SCAF8: variants seen among roughly 807,000 people sequenced by gnomAD.
The protein encoded by SCAF8 is SR-related CTD associated factor 8.
A neutral mutation model predicts 140.5 loss-of-function variants in SCAF8; 23 were observed. That is an observed-to-expected ratio of 0.16 (90% CI 0.12 to 0.23). SCAF8 has a LOEUF of 0.23. Among genes scored for constraint, SCAF8 ranks in the 10% least tolerant of loss-of-function variants. SCAF8 has a pLI of 1.00. For synonymous variants in SCAF8, 575 were observed against 528.9 expected (o/e 1.09, Z -1.20); for missense variants, 1,397 against 1,555.7 (o/e 0.90, Z 1.72).
At chr6:154,801,771 T>C (rs1203866649) in intron 6 of SCAF8, among the ~76,000 whole-genome samples, 200 bp from the exon 7 acceptor site, 3 of 151,410 alleles carry the variant, frequency 2.0e-5, no homozygotes, top group Non-Finnish European at 4.4e-5. Flanking sequence ...TCGCTGACTT[T>C]CCAGAAGTAA....
At chr6:154,799,196 T>A (rs771428569) in intron 6 of SCAF8, among the ~76,000 whole-genome samples, 5 of 151,028 alleles carry the variant, frequency 3.3e-5, no homozygotes, top group Admixed American at 6.6e-5. Context: ...CAGGCTGTTG[T>A]CAAACTCCTG....
At chr6:154,767,653 C>CCTCA (rs1268688727) in intron 1 of SCAF8, among the ~76,000 whole-genome samples, 1 of 151,030 alleles carries the variant, frequency 6.6e-6, no homozygotes, top group Non-Finnish European at 1.5e-5. Flanking sequence ...GATCCTCACA[C>CCTCA]CTCAGCCTGT....
chr6:154,794,982 TG>T, intron 5 of SCAF8, 26 bp from the exon 6 acceptor site: 2 of 1,565,802 alleles, frequency 1.3e-6, no homozygotes, highest in Admixed American at 2.1e-5. Context: ...CATATTTATT[TG>T]GGGGGTGTGA....
intron 1 of SCAF8, among the ~76,000 whole-genome samples, chr6:154,739,627 G>A (rs117586079): frequency 0.029 from 4,397 of 152,200 alleles, 81 homozygotes; most frequent in Non-Finnish European, 0.048. Flanking sequence ...TTATATTTAG[G>A]ATACCTAAAT....
chr6:154,789,523 G>A (rs144872050), intron 4 of SCAF8, among the ~76,000 whole-genome samples: 160 of 150,966 alleles, frequency 1.1e-3, no homozygotes, highest in African/African-American at 3.7e-3. Context: ...ATAATTCTGT[G>A]CAGGCAAAAG....
At chr6:154,772,102 T>C (rs895587073) in intron 1 of SCAF8, among the ~76,000 whole-genome samples, 2 of 152,146 alleles carry the variant, frequency 1.3e-5, no homozygotes, top group Admixed American at 1.3e-4. Context: ...ATGAGTAGAA[T>C]TGAATGCTAT....
At chr6:154,762,975 T>C (rs1776450213) in intron 1 of SCAF8, among the ~76,000 whole-genome samples, 1 of 152,236 alleles carries the variant, frequency 6.6e-6, no homozygotes, top group African/African-American at 2.4e-5. Context: ...ATTCCTGCCC[T>C]GTAATACCTC....
rs748580606 is a variant in SCAF8 at position 154,832,141 on chromosome 6, A to G, written c.2562A>G (p.Ile854Met). Residue 854 changes from isoleucine (I) to methionine (M), a missense_variant, in exon 20 of 20, where the codon ATA (isoleucine) becomes ATG (methionine). Ile to Met is a conservative substitution (Grantham distance 10, BLOSUM62 1). Transcript: ENST00000367178. ...QPPNILNNSG[I>M]LGIQPPSVSN... ...CAAATATTCTAAATAACTCTGGAAT[A>G]TTGGGAATACAGCCACCCAGTGTGT... 1.2e-6 allele frequency: 2 copies of G among 1,613,996 alleles called. No homozygotes were observed. The highest frequency in any genetic ancestry group is 2.7e-5 in the African/African-American group (2 of 74,908).
Position 154,833,563 on chromosome 6 carries a change from ATTG to A in SCAF8, c.*171_*173del, listed in dbSNP as rs1406708689. The A allele has an allele frequency of 3.4e-6, 2 of 588,826 alleles. No individual in the cohort carries two copies. Among genetic ancestry groups the A allele is most frequent in the East Asian group, 3.0e-5 (1 of 33,280 alleles). 36.5% of individuals were successfully genotyped at this position (588,826 alleles called of 1,614,324 possible). A position where few individuals can be genotyped will look rare whatever the true frequency, so the allele number is the denominator to read the frequency against. ...AATTGTACAACTGACTTGTATAGAC[ATTG>A]TTCTTAATATGAACATGGTAGGTAA... On this transcript the variant is annotated 3_prime_UTR_variant, in exon 20 of 20. Transcript: ENST00000367178.
chr6:154,828,356 A>G (rs1778628151), intron 18 of SCAF8, among the ~76,000 whole-genome samples: 1 of 152,050 alleles, frequency 6.6e-6, no homozygotes, highest in Non-Finnish European at 1.5e-5. Flanking sequence ...CATTTCTCAG[A>G]GTCATGAGAT....
At chr6:154,793,273 C>A (rs1012516974) in intron 5 of SCAF8, among the ~76,000 whole-genome samples, 6 of 152,034 alleles carry the variant, frequency 3.9e-5, no homozygotes, top group African/African-American at 1.4e-4. Flanking sequence ...CTTATACTTG[C>A]ATTTGTATCA....
At chr6:154,799,705 C>G (rs1211189132) in intron 6 of SCAF8, among the ~76,000 whole-genome samples, 1 of 151,356 alleles carries the variant, frequency 6.6e-6, no homozygotes, top group African/African-American at 2.4e-5. Flanking sequence ...ACCCACTTCC[C>G]TCATATATTC....
At chr6:154,759,125 C>T (rs140956668) in intron 1 of SCAF8, among the ~76,000 whole-genome samples, 170 of 152,202 alleles carry the variant, frequency 1.1e-3, no homozygotes, top group Non-Finnish European at 1.8e-3. Context: ...TTTTTGCTTC[C>T]GGATTACTCA....
At chr6:154,777,429 C>T (rs984906369) in intron 2 of SCAF8, among the ~76,000 whole-genome samples, 33 of 152,142 alleles carry the variant, frequency 2.2e-4, no homozygotes, top group African/African-American at 7.2e-4. Context: ...TGTTCACTTC[C>T]GCTGATTCAT....
chr6:154,824,237 C>A lies in SCAF8; in HGVS notation c.1930C>A (p.Pro644Thr). 1 of 1,613,410 alleles carries A rather than the reference C, an allele frequency of 6.2e-7. No homozygotes were observed. Reference sequence around the variant, plus strand: ...CTTTTTTGTCTATCCACAAAAGATTCCAGTGGCGCCAGCCGTGCCTACAGT... The same window carrying A: ...CTTTTTTGTCTATCCACAAAAGATTACAGTGGCGCCAGCCGTGCCTACAGT... The part of the protein sequence containing the change: ...FPPPVAMLQI[P>T]VAPAVPTVSL... Residue 644 changes from proline to threonine, a missense_variant, in exon 17 of 20, where the codon CCA becomes ACA. Coordinates refer to ENST00000367178, the MANE Select transcript of SCAF8 (RefSeq NM_014892.5).
intron 1 of SCAF8, among the ~76,000 whole-genome samples, chr6:154,764,265 A>G (rs185758304): frequency 2.8e-5 from 4 of 141,602 alleles, no homozygotes; most frequent in African/African-American, 1.1e-4. Context: ...CTTGTTTAGT[A>G]TATTTTCTTT....
intron 6 of SCAF8, among the ~76,000 whole-genome samples, chr6:154,801,407 T>A (rs1777767986): frequency 6.6e-6 from 1 of 151,488 alleles, no homozygotes; most frequent in Admixed American, 6.6e-5. Context: ...TATATAGGGT[T>A]TTCTTATTTA....
intron 16 of SCAF8, 111 bp from the exon 17 acceptor site, chr6:154,824,123 T>A: frequency 9.1e-7 from 1 of 1,097,010 alleles, no homozygotes; most frequent in East Asian, 2.4e-5. Flanking sequence ...AAAACCCTTT[T>A]TAGTAGTATT....
intron 1 of SCAF8, among the ~76,000 whole-genome samples, chr6:154,755,439 A>T (rs1176413906): frequency 6.6e-6 from 1 of 152,000 alleles, no homozygotes; most frequent in Non-Finnish European, 1.5e-5. Context: ...TTTTTAGTAG[A>T]GATGGGGTTT....
Sources: allele counts gnomAD v4.1 joint callset (sites outside exome capture counted in the v4.1 genomes callset), GRCh38; gene constraint gnomAD v4.1.1; transcripts MANE v1.5; gene names NCBI Gene and HGNC (gene_info 2026-07-23, HGNC 2026-07-21).